Variants in PATJ observed in about 807,000 individuals in gnomAD.
PATJ encodes inaD-like protein.
In PATJ, 190 loss-of-function variants were observed where a neutral mutation model predicts 224.9. That is an observed-to-expected ratio of 0.84 (90% CI 0.75 to 0.95). PATJ has a LOEUF of 0.95. Among genes scored for constraint, PATJ ranks in the 40% least tolerant of loss-of-function variants. PATJ has a pLI of 0.00. For synonymous variants in PATJ, 769 were observed against 820.3 expected (o/e 0.94, Z 1.07); for missense variants, 2,121 against 2,270.3 (o/e 0.93, Z 1.34).
In PATJ at chr1:62,121,214, C is replaced by T. The variant is rs1242941304; in HGVS notation, c.4924C>T (p.Pro1642Ser). ...SQQSAHSSCH[P>S]SFAPVITGLQ... The stretch of plus-strand genomic sequence containing the variant: ...GCAGAGTGCACACAGCAGCTGTCAT[C>T]CCTCCTTCGCTCCTGTCATCACTGG... Residue 1642 changes from proline (P) to serine (S), a missense_variant, in exon 38 of 44, where the codon CCC becomes TCC. Coordinates refer to ENST00000642238, the MANE Select transcript of PATJ (RefSeq NM_001350145.3). The T allele has an allele frequency of 3.1e-6, 5 of 1,613,766 alleles. No individual in the cohort carries two copies. Among genetic ancestry groups the T allele is most frequent in the Admixed American group, 1.7e-5 (1 of 59,978 alleles).
intron 14 of PATJ, among the ~76,000 whole-genome samples, chr1:61,812,433 A>AGAGAGAGTGTGTGTGTGTGTGTGTGT (rs1397549346): frequency 3.5e-4 from 30 of 85,190 alleles, no homozygotes; most frequent in Non-Finnish European, 5.2e-4. Flanking sequence ...AGAGAGAGAG[A>AGAGAGAGTGTGTGTGTGTGTGTGTGT]GTGTGTGTGT....
At chr1:62,122,941 C>A (rs947611574) in intron 38 of PATJ, 80 bp from the exon 39 acceptor site, 1 of 873,290 alleles carries the variant, frequency 1.1e-6, no homozygotes, top group Non-Finnish European at 1.7e-6. Flanking sequence ...GAAAATGAAA[C>A]CATTTTTCAT....
At chr1:61,997,471 A>T (rs1365757398) in intron 28 of PATJ, among the ~76,000 whole-genome samples, 1 of 152,132 alleles carries the variant, frequency 6.6e-6, no homozygotes, top group Non-Finnish European at 1.5e-5. Context: ...GTTGTGTTAT[A>T]CTCAGTTTCA....
intron 20 of PATJ, among the ~76,000 whole-genome samples, chr1:61,868,263 T>C (rs1021585144): frequency 6.6e-6 from 1 of 152,242 alleles, no homozygotes; most frequent in African/African-American, 2.4e-5. Flanking sequence ...GATCTTATCA[T>C]CCCACACTGA....
At chr1:61,794,852 G>A (rs12043665) in intron 9 of PATJ, among the ~76,000 whole-genome samples, 24,673 of 151,846 alleles carry the variant, frequency 0.16, 2,424 homozygotes, top group East Asian at 0.47. Flanking sequence ...TCTGGGTGTG[G>A]TGGTGGGCGC....
chr1:62,002,288 C>CT (rs1645820387), intron 28 of PATJ, among the ~76,000 whole-genome samples: 1 of 152,148 alleles, frequency 6.6e-6, no homozygotes, highest in African/African-American at 2.4e-5. Flanking sequence ...CCAACCTTCT[C>CT]TTTCATGGTG....
At chr1:61,747,351 T>G (rs937722662) in intron 1 of PATJ, among the ~76,000 whole-genome samples, 2 of 101,856 alleles carry the variant, frequency 2.0e-5, no homozygotes, top group African/African-American at 6.4e-5. Flanking sequence ...TTATTTTTTG[T>G]GTTCGTACAG....
chr1:61,903,688 C>T (rs1256234468), intron 24 of PATJ, among the ~76,000 whole-genome samples: 1 of 151,814 alleles, frequency 6.6e-6, no homozygotes, highest in Non-Finnish European at 1.5e-5. Flanking sequence ...CTTCTGTATT[C>T]CTATTAGTTA....
At chr1:61,756,968 T>C (rs1645682023) in intron 1 of PATJ, among the ~76,000 whole-genome samples, 1 of 152,080 alleles carries the variant, frequency 6.6e-6, no homozygotes, top group South Asian at 2.1e-4. Flanking sequence ...TGATTTCTCT[T>C]AGCACGTGGT....
chr1:61,931,804 A>T (rs1321046901), intron 27 of PATJ, among the ~76,000 whole-genome samples: 5 of 152,162 alleles, frequency 3.3e-5, no homozygotes, highest in African/African-American at 1.2e-4. Flanking sequence ...CACTGCAAAG[A>T]TCTGGCTCAT....
chr1:62,100,810 A>C (rs1429740045), intron 33 of PATJ, among the ~76,000 whole-genome samples: 1 of 152,194 alleles, frequency 6.6e-6, no homozygotes, highest in African/African-American at 2.4e-5. Context: ...CAAGGATGGG[A>C]GGTGGCGCAA....
intron 22 of PATJ, among the ~76,000 whole-genome samples, chr1:61,891,716 C>T (rs893342030): frequency 1.3e-5 from 2 of 152,108 alleles, no homozygotes; most frequent in Admixed American, 1.3e-4. Flanking sequence ...AGCAACTTAC[C>T]CTGTATGGCT....
At chr1:61,895,171 G>A (rs138171935) in intron 22 of PATJ, among the ~76,000 whole-genome samples, 1 of 152,328 alleles carries the variant, frequency 6.6e-6, no homozygotes, top group East Asian at 1.9e-4. Flanking sequence ...TATTTAAAAG[G>A]GAAGCAGAGC....
intron 31 of PATJ, among the ~76,000 whole-genome samples, chr1:62,065,505 G>A (rs1377135497): frequency 3.3e-5 from 5 of 152,078 alleles, no homozygotes; most frequent in Admixed American, 2.0e-4. Context: ...CCAGCTACTC[G>A]AGAGGCTGAG....
At chr1:62,142,051 G>T (rs1462454901) in intron 41 of PATJ, among the ~76,000 whole-genome samples, 1 of 152,164 alleles carries the variant, frequency 6.6e-6, no homozygotes, top group Non-Finnish European at 1.5e-5. Context: ...TAGTGATGCT[G>T]TATTATGTTG....
intron 29 of PATJ, among the ~76,000 whole-genome samples, chr1:62,032,295 G>T (rs1649481013): frequency 6.6e-6 from 1 of 152,208 alleles, no homozygotes; most frequent in Non-Finnish European, 1.5e-5. Flanking sequence ...AAACAATGGT[G>T]CTTCCAATCT....
intron 28 of PATJ, among the ~76,000 whole-genome samples, chr1:62,001,431 A>G (rs564046754): frequency 0.013 from 1,953 of 148,854 alleles, 53 homozygotes; most frequent in African/African-American, 0.045. Context: ...TCCCAGCACC[A>G]TTTATTAAAT....
rs1210357185 is a variant in PATJ at position 61,864,542 on chromosome 1, A to G, written c.2744A>G (p.Asp915Gly). 2.5e-6 allele frequency: 4 copies of G among 1,613,402 alleles called. No individual in the cohort carries two copies. The highest frequency in any genetic ancestry group is 2.2e-5 in the East Asian group (1 of 44,878). The stretch of plus-strand genomic sequence containing the variant: ...CACTTTGGTACACAGTGGTTGCATG[A>G]TAATGAACCATCCGAGTCTCAAGAG... Reference protein sequence around the residue: ...ELHFGTQWLHDNEPSESQEAR... With the variant: ...ELHFGTQWLHGNEPSESQEAR... Residue 915 changes from aspartate (D) to glycine (G), a missense_variant, in exon 20 of 44, where the codon GAT becomes GGT. Asp to Gly is a moderately conservative substitution (Grantham distance 94, BLOSUM62 -1). Coordinates refer to ENST00000642238, the MANE Select transcript of PATJ (RefSeq NM_001350145.3).
intron 27 of PATJ, among the ~76,000 whole-genome samples, chr1:61,966,823 T>G (rs182333284): frequency 6.6e-6 from 1 of 152,318 alleles, no homozygotes; most frequent in East Asian, 1.9e-4. Flanking sequence ...CTTCCCTTTT[T>G]AGACCATATA....
Sources: gnomAD v4.1 joint callset for allele counts (sites outside exome capture counted in the v4.1 genomes callset) on GRCh38, gnomAD v4.1.1 for gene constraint, MANE v1.5 for transcripts, NCBI Gene and HGNC (gene_info 2026-07-23, HGNC 2026-07-21) for gene names.